FNDC7: variants seen among roughly 807,000 people sequenced by gnomAD.
FNDC7 encodes the protein fibronectin type III domain containing 7.
A neutral mutation model predicts 74.2 loss-of-function variants in FNDC7; 66 were observed. The observed-to-expected ratio is 0.89, with a 90% CI of 0.73 to 1.09. The LOEUF (loss-of-function observed/expected upper bound fraction) is 1.09, where lower values mean the gene tolerates loss of function less well. Among genes scored for constraint, FNDC7 ranks in the 50% least tolerant of loss-of-function variants. The pLI is 0.00. For missense variants in FNDC7, 829 were observed against 893.4 expected (o/e 0.93, Z 0.92); for synonymous variants, 307 against 330.2 (o/e 0.93, Z 0.76).
chr1:108,727,816 T>C lies in FNDC7; in HGVS notation c.1120T>C (p.Cys374Arg). Residue 374 changes from cysteine to arginine, a missense_variant, in exon 7 of 13, where the codon TGT becomes CGT. Physicochemically the swap from Cys to Arg is radical, Grantham distance 180. Transcript: ENST00000370017. ...TCTGCTCCTGCTTTCAGCTCCCTGT[T>C]GTCCTAGTGACATTAACCCCGTGTT... is the stretch of plus-strand genomic sequence containing the variant. ...DIFNYTTAPCCPSDINPVLVS... is the reference protein window; with the variant it reads ...DIFNYTTAPCRPSDINPVLVS... 1 of 1,614,146 alleles carries C rather than the reference T, an allele frequency of 6.2e-7. No homozygotes were observed. The highest frequency in any genetic ancestry group is 8.5e-7 in the Non-Finnish European group (1 of 1,180,024).
intron 10 of FNDC7, among the ~76,000 whole-genome samples, chr1:108,734,998 G>A (rs1045778486): frequency 2.6e-5 from 4 of 152,064 alleles, no homozygotes; most frequent in East Asian, 1.9e-4. Flanking sequence ...CCCTAAGTCC[G>A]TATTCAAATT....
intron 8 of FNDC7, 52 bp from the exon 9 acceptor site, chr1:108,730,622 T>C: frequency 1.3e-6 from 2 of 1,494,984 alleles, no homozygotes; most frequent in Non-Finnish European, 1.8e-6. Flanking sequence ...TTTTCACAAA[T>C]AATCTTCAGT....
At chr1:108,734,630 T>G (rs1025716213) in intron 10 of FNDC7, 5 of 152,168 alleles carry the variant, frequency 3.3e-5, no homozygotes, top group African/African-American at 1.2e-4. Flanking sequence ...GGACAGTTCC[T>G]CCCAAGGGGC....
intron 5 of FNDC7, 26 bp from the exon 6 acceptor site, chr1:108,725,724 C>T (rs1661199816): frequency 6.2e-7 from 1 of 1,603,254 alleles, no homozygotes; most frequent in South Asian, 1.1e-5. Context: ...GCAGTAGTCT[C>T]ATGTTTATTA....
chr1:108,736,774 C>T (rs1661524587), intron 10 of FNDC7, among the ~76,000 whole-genome samples: 2 of 152,114 alleles, frequency 1.3e-5, no homozygotes, highest in Admixed American at 1.3e-4. Context: ...TGGTAAAAGC[C>T]ATACATTTGG....
rs1430420528 is a variant in FNDC7 at position 108,742,713 on chromosome 1, C to G, written c.*826C>G. The G allele has an allele frequency of 6.6e-6, 1 of 152,130 alleles. No individual in the cohort carries two copies. The highest frequency in any genetic ancestry group is 2.4e-5 in the African/African-American group (1 of 41,420). 9.4% of individuals were successfully genotyped at this position (152,130 alleles called of 1,614,324 possible). On this transcript the variant is annotated 3_prime_UTR_variant, in exon 13 of 13. Coordinates refer to ENST00000370017, the MANE Select transcript of FNDC7 (RefSeq NM_001144937.3). ...TTTTTTCATCTTTGGAGGGGGAAGG[C>G]AATGAAATATAACATAAATCTCTCA...
At chr1:108,730,337 C>G (rs1003054905) in intron 8 of FNDC7, among the ~76,000 whole-genome samples, 1 of 139,572 alleles carries the variant, frequency 7.2e-6, no homozygotes, top group African/African-American at 2.7e-5. Context: ...AGCCTGGCAA[C>G]AGAGCGAGAC....
intron 4 of FNDC7, among the ~76,000 whole-genome samples, chr1:108,720,038 A>G (rs1661063952): frequency 6.6e-6 from 1 of 151,922 alleles, no homozygotes; most frequent in South Asian, 2.1e-4. Flanking sequence ...TTCCCTAGGG[A>G]GGTAGTATAA....
Position 108,718,956 on chromosome 1 carries a change from A to G in FNDC7, c.505A>G (p.Ser169Gly). 1 of 1,551,870 alleles carries G rather than the reference A, an allele frequency of 6.4e-7. No individual in the cohort carries two copies. The highest frequency in any genetic ancestry group is 8.7e-7 in the Non-Finnish European group (1 of 1,147,038). Reference sequence around the variant, plus strand: ...TACAAACACCTCCTTGACATTCACCAGTTTAGAAGCCGGAACTCTCTACAC... The same window carrying G: ...TACAAACACCTCCTTGACATTCACCGGTTTAGAAGCCGGAACTCTCTACAC... ...NTTNTSLTFTSLEAGTLYTIK... is the reference protein window; with the variant it reads ...NTTNTSLTFTGLEAGTLYTIK... The change falls in exon 4 of 13, where the codon AGT becomes GGT. Residue 169 changes from serine to glycine, a missense_variant. Transcript: ENST00000370017.
At position 108,742,156 on chromosome 1, in the gene FNDC7, T is replaced by C. The variant is rs1661665693; in HGVS notation, c.*269T>C. ...TCCCCTGGACGGCTGCTAGCCTGAGTTGGCACACTGTGAGAACCCTGGAAA... is the reference window on the plus strand; with the variant it reads ...TCCCCTGGACGGCTGCTAGCCTGAGCTGGCACACTGTGAGAACCCTGGAAA... On this transcript the variant is annotated 3_prime_UTR_variant, in exon 13 of 13. Transcript: ENST00000370017. The C allele has an allele frequency of 6.7e-6, 2 of 298,026 alleles. No individual in the cohort carries two copies. The highest frequency in any genetic ancestry group is 1.2e-5 in the Non-Finnish European group (2 of 160,394). 18.5% of individuals were successfully genotyped at this position (298,026 alleles called of 1,614,324 possible). A position where few individuals can be genotyped will look rare whatever the true frequency, so the allele number is the denominator to read the frequency against.
At chr1:108,718,083 C>A (rs754252561) in intron 3 of FNDC7, 52 bp downstream of exon 3, 2 of 1,538,684 alleles carry the variant, frequency 1.3e-6, no homozygotes, top group Admixed American at 3.9e-5. Flanking sequence ...TGACTTGGAT[C>A]AGTTATCCTG....
At position 108,733,402 on chromosome 1, in the gene FNDC7, C is replaced by T; in HGVS notation, c.2010C>T (p.Cys670=). Residue 670 remains cysteine (C), a synonymous_variant, in exon 10 of 13, where the codon TGC becomes TGT. Coordinates refer to ENST00000370017, the MANE Select transcript of FNDC7 (RefSeq NM_001144937.3). ...ATGGCTCCAAAGGCATTTTCACGTG[C>T]ACCCCGAGTGCTGGCCTCAGTTTCT... The part of the protein sequence containing the change: ...DLYGSKGIFT[C]TPSAGLSFCD... 1 of 1,614,176 alleles carries T rather than the reference C, an allele frequency of 6.2e-7. No homozygotes were observed. Among genetic ancestry groups the T allele is most frequent in the Non-Finnish European group, 8.5e-7 (1 of 1,180,032 alleles).
At chr1:108,729,749 C>T (rs527433521) in intron 8 of FNDC7, among the ~76,000 whole-genome samples, 9 of 152,304 alleles carry the variant, frequency 5.9e-5, no homozygotes, top group Non-Finnish European at 1.3e-4. Context: ...TGGCAAATCA[C>T]TTCAAGCCTG....
Position 108,728,023 on chromosome 1 carries a change from C to T in FNDC7, c.1327C>T (p.Arg443Ter), listed in dbSNP as rs200404056. The part of the protein sequence containing the change: ...NITVYSFNEV[R>*]GSNMSCTPQF... ...CACAGTGTATTCATTCAATGAAGTC[C>T]GAGGCAGCAATATGTCATGTACTCC... is the stretch of plus-strand genomic sequence containing the variant. The change falls in exon 7 of 13, where the codon CGA becomes TGA. Residue 443 changes from arginine (R) to a stop codon, truncating the protein, a stop_gained. Coordinates refer to ENST00000370017, the MANE Select transcript of FNDC7 (RefSeq NM_001144937.3). LOFTEE classifies it high-confidence loss of function. 6.4e-4 allele frequency: 1,032 copies of T among 1,614,080 alleles called. 7 individuals are homozygous for T. Among genetic ancestry groups the T allele is most frequent in the Non-Finnish European group, 9.2e-5 (108 of 1,180,030 alleles).
intron 10 of FNDC7, among the ~76,000 whole-genome samples, chr1:108,735,834 C>G (rs991470630): frequency 1.3e-5 from 2 of 151,850 alleles, no homozygotes; most frequent in Non-Finnish European, 2.9e-5. Flanking sequence ...GAGAAAGGGT[C>G]TTGCTTTTTC....
At chr1:108,731,635 GAA>G (rs1342452518) in intron 9 of FNDC7, among the ~76,000 whole-genome samples, 1 of 152,230 alleles carries the variant, frequency 6.6e-6, no homozygotes, top group Non-Finnish European at 1.5e-5. Flanking sequence ...AGAGGTAGTA[GAA>G]AGAGTCTTAA....
chr1:108,732,552 A>G (rs918104447), intron 9 of FNDC7, among the ~76,000 whole-genome samples: 1 of 152,100 alleles, frequency 6.6e-6, no homozygotes, highest in African/African-American at 2.4e-5. Flanking sequence ...ATTATGAGGG[A>G]TCTTGACAAG....
At chr1:108,724,482 G>A (rs74647482) in intron 5 of FNDC7, among the ~76,000 whole-genome samples, 18,808 of 151,980 alleles carry the variant, frequency 0.12, 1,450 homozygotes, top group Non-Finnish European at 0.16. Context: ...GGTTGCACAC[G>A]GGGGCTCATG....
At chr1:108,722,814 G>A (rs937600392) in intron 5 of FNDC7, among the ~76,000 whole-genome samples, 1 of 152,198 alleles carries the variant, frequency 6.6e-6, no homozygotes, top group Non-Finnish European at 1.5e-5. Context: ...TAGGAGGCCT[G>A]GTTTCTATTC....
Sources: allele counts gnomAD v4.1 joint callset (sites outside exome capture counted in the v4.1 genomes callset), GRCh38; gene constraint gnomAD v4.1.1; transcripts MANE v1.5; gene names NCBI Gene and HGNC (gene_info 2026-07-23, HGNC 2026-07-21).